The following MCF2L2 variants were observed in gnomAD, a reference collection of about 807,000 sequenced individuals.
The protein encoded by MCF2L2 is MCF.2 cell line derived transforming sequence-like 2.
A neutral mutation model predicts 150.2 loss-of-function variants in MCF2L2; 102 were observed. The ratio of observed to expected loss-of-function variants is 0.68; its 90% confidence interval spans 0.58 to 0.80. The LOEUF is 0.80. Among genes scored for constraint, MCF2L2 ranks in the 30% least tolerant of loss-of-function variants. The probability of loss-of-function intolerance (pLI) is 0.00; values close to 1 mark genes in which losing one functional copy is unlikely to be tolerated. For synonymous variants in MCF2L2, 465 were observed against 491.3 expected (o/e 0.95, Z 0.71); for missense variants, 1,256 against 1,372.8 (o/e 0.91, Z 1.34).
At chr3:183,274,744 GATA>G (rs1469394327) in intron 15 of MCF2L2, among the ~76,000 whole-genome samples, 1 of 152,178 alleles carries the variant, frequency 6.6e-6, no homozygotes, top group African/African-American at 2.4e-5. Context: ...TTCATTCTGT[GATA>G]ATAATGAGAG....
chr3:183,427,844 C>T, intron 1 of MCF2L2, 58 bp downstream of exon 1: 1 of 1,465,082 alleles, frequency 6.8e-7, no homozygotes, highest in East Asian at 2.3e-5. Context: ...AGATGAAGCC[C>T]AGAGACCATC....
chr3:183,397,332 C>T (rs577995133), intron 1 of MCF2L2, among the ~76,000 whole-genome samples: 5 of 152,300 alleles, frequency 3.3e-5, no homozygotes, highest in East Asian at 1.9e-4. Context: ...GCATTCTTGC[C>T]GCATCCTCAC....
intron 15 of MCF2L2, among the ~76,000 whole-genome samples, chr3:183,264,044 G>T (rs928488653): frequency 6.6e-6 from 1 of 152,150 alleles, no homozygotes; most frequent in Non-Finnish European, 1.5e-5. Flanking sequence ...CCATTAGCCA[G>T]TTTAATCCCT....
intron 27 of MCF2L2, among the ~76,000 whole-genome samples, chr3:183,187,780 G>A (rs775661120): frequency 6.6e-6 from 1 of 152,064 alleles, no homozygotes; most frequent in East Asian, 1.9e-4. Flanking sequence ...TATTTTTACT[G>A]TAAGCTGCCA....
At chr3:183,336,365 TGA>T (rs1005651830) in intron 5 of MCF2L2, among the ~76,000 whole-genome samples, 18 of 152,254 alleles carry the variant, frequency 1.2e-4, no homozygotes, top group African/African-American at 4.3e-4. Flanking sequence ...ACTTTTCTGT[TGA>T]GTTTGAAATT....
chr3:183,195,648 A>T (rs1055331935), intron 25 of MCF2L2, among the ~76,000 whole-genome samples: 1 of 152,220 alleles, frequency 6.6e-6, no homozygotes, highest in African/African-American at 2.4e-5. Context: ...GAGAGCGATA[A>T]GAATCACATT....
At chr3:183,238,752 C>T (rs978071190) in intron 15 of MCF2L2, among the ~76,000 whole-genome samples, 2 of 150,954 alleles carry the variant, frequency 1.3e-5, no homozygotes, top group Admixed American at 6.6e-5. Context: ...AATCCCAGCA[C>T]TTTGGGAGGC....
intron 15 of MCF2L2, chr3:183,254,312 C>T (rs1456162517): frequency 6.6e-6 from 1 of 151,826 alleles, no homozygotes; most frequent in African/African-American, 2.4e-5. Flanking sequence ...GCCCGGACCG[C>T]GCACGGCCCA....
At chr3:183,223,252 A>C in intron 20 of MCF2L2, 94 bp downstream of exon 20, 1 of 893,804 alleles carries the variant, frequency 1.1e-6, no homozygotes, top group Non-Finnish European at 1.8e-6. Context: ...GCCTTAGAAG[A>C]CCAAGGCACA....
intron 2 of MCF2L2, among the ~76,000 whole-genome samples, chr3:183,386,802 G>A (rs1245058431): frequency 6.6e-6 from 1 of 152,202 alleles, no homozygotes; most frequent in Non-Finnish European, 1.5e-5. Flanking sequence ...GCTGACACTT[G>A]CTGTTTCTGC....
intron 1 of MCF2L2, among the ~76,000 whole-genome samples, chr3:183,423,642 T>A (rs1479459390): frequency 1.7e-4 from 25 of 143,582 alleles, no homozygotes; most frequent in Non-Finnish European, 2.4e-4. Flanking sequence ...GTTTTTTTTT[T>A]TTTTTTTTTT....
At chr3:183,359,873 G>C (rs189530190) in intron 3 of MCF2L2, among the ~76,000 whole-genome samples, 54 of 152,308 alleles carry the variant, frequency 3.5e-4, no homozygotes, top group African/African-American at 1.3e-3. Context: ...AATTCCACAT[G>C]TCAAGTGAGG....
At chr3:183,228,730 C>G (rs1723441413) in intron 17 of MCF2L2, among the ~76,000 whole-genome samples, 2 of 152,156 alleles carry the variant, frequency 1.3e-5, no homozygotes, top group Non-Finnish European at 2.9e-5. Flanking sequence ...TCGGGTAATT[C>G]TAAGCACTAG....
At chr3:183,224,398 A>G in intron 18 of MCF2L2, 1 of 522,478 alleles carries the variant, frequency 1.9e-6, no homozygotes, top group South Asian at 2.6e-5. Flanking sequence ...CCAGACATAG[A>G]TAGGCACAGA....
chr3:183,216,667 C>T (rs148270318), intron 21 of MCF2L2, among the ~76,000 whole-genome samples: 2,582 of 136,708 alleles, frequency 0.019, 78 homozygotes, highest in African/African-American at 0.069. Context: ...TGCAGAGGCA[C>T]GATCTCGGCT....
chr3:183,361,840 G>A (rs538001637), intron 3 of MCF2L2, among the ~76,000 whole-genome samples: 1 of 152,306 alleles, frequency 6.6e-6, no homozygotes, highest in South Asian at 2.1e-4. Context: ...TCAGATTCAA[G>A]AATAACAGTG....
At chr3:183,423,620 T>A (rs60013564) in intron 1 of MCF2L2, among the ~76,000 whole-genome samples, 12,742 of 150,704 alleles carry the variant, frequency 0.085, 580 homozygotes, top group African/African-American at 0.094. Context: ...GACCATTTTT[T>A]AAATTTTATT....
chr3:183,426,931 G>T (rs1317174877), intron 1 of MCF2L2, among the ~76,000 whole-genome samples: 2 of 152,206 alleles, frequency 1.3e-5, no homozygotes, highest in Admixed American at 1.3e-4. Context: ...CAGCAAACAC[G>T]TTGGACTAAT....
At chr3:183,426,168 TAGA>T (rs1716154326) in intron 1 of MCF2L2, among the ~76,000 whole-genome samples, 1 of 152,042 alleles carries the variant, frequency 6.6e-6, no homozygotes, top group African/African-American at 2.4e-5. Flanking sequence ...GAGCTGTCTA[TAGA>T]AGGAGGGAGG....
Sources: gnomAD v4.1 joint callset for allele counts (sites outside exome capture counted in the v4.1 genomes callset) on GRCh38, gnomAD v4.1.1 for gene constraint, MANE v1.5 for transcripts, NCBI Gene and HGNC (gene_info 2026-07-23, HGNC 2026-07-21) for gene names.